Variants in DNAH2 observed in about 807,000 individuals in gnomAD.
DNAH2 encodes dynein axonemal heavy chain 2.
Under a neutral mutation model 523.5 loss-of-function variants are expected in DNAH2, and 323 were observed. The observed-to-expected ratio is 0.62, with a 90% CI of 0.56 to 0.68. The LOEUF is 0.68. Among genes scored for constraint, DNAH2 ranks in the 30% least tolerant of loss-of-function variants. The pLI, the probability that DNAH2 is intolerant of heterozygous loss-of-function variation, is 0.00. For synonymous variants in DNAH2, 2,093 were observed against 2,177.4 expected, an observed-to-expected ratio of 0.96 and a Z score of 1.08; for missense variants, 4,907 against 5,701.5, an observed-to-expected ratio of 0.86 and a Z score of 4.49.
At chr17:7,745,982 C>T (rs1050135009) in intron 12 of DNAH2, among the ~76,000 whole-genome samples, 18 of 152,096 alleles carry the variant, frequency 1.2e-4, no homozygotes, top group African/African-American at 3.6e-4. Context: ...TTGAATTTCT[C>T]TGAGCCTGAG....
intron 39 of DNAH2, among the ~76,000 whole-genome samples, chr17:7,784,966 C>T (rs951139652): frequency 6.6e-6 from 1 of 151,810 alleles, no homozygotes; most frequent in African/African-American, 2.4e-5. Flanking sequence ...GCAAACAGAC[C>T]AAAAAATCCA....
intron 4 of DNAH2, among the ~76,000 whole-genome samples, chr17:7,729,198 G>T (rs920937971): frequency 7.9e-5 from 12 of 152,030 alleles, no homozygotes; most frequent in Non-Finnish European, 1.5e-4. Context: ...CATATGCACT[G>T]AGTCAAAGAA....
In DNAH2 at chr17:7,796,593, C is replaced by T. The variant is rs202202991; in HGVS notation, c.7804C>T (p.Arg2602Cys). 39 of 1,613,108 alleles carry T rather than the reference C, an allele frequency of 2.4e-5. No individual in the cohort carries two copies. The highest frequency in any genetic ancestry group is 2.2e-4 in the Admixed American group (13 of 59,870). ...TLDMYNTVVQ[R>C]FLPTPTKMHY... ...GGACATGTACAACACCGTGGTACAG[C>T]GCTTCCTGCCCACGCCCACCAAGAT... Residue 2602 changes from arginine to cysteine, a missense_variant, in exon 50 of 86, where the codon CGC becomes TGC. Physicochemically the swap from Arg to Cys is radical, Grantham distance 180 (BLOSUM62 -3). Coordinates refer to ENST00000572933, the MANE Select transcript of DNAH2 (RefSeq NM_020877.5).
chr17:7,803,617 C>T (rs2077282693), intron 58 of DNAH2, among the ~76,000 whole-genome samples: 1 of 151,944 alleles, frequency 6.6e-6, no homozygotes, highest in East Asian at 1.9e-4. Context: ...TTGCAGTGAG[C>T]TGAGATTGCA....
chr17:7,801,783 C>T (rs2077230797), intron 57 of DNAH2, 73 bp downstream of exon 57: 9 of 1,609,456 alleles, frequency 5.6e-6, no homozygotes, highest in African/African-American at 1.3e-5. Flanking sequence ...CTCATCGCAC[C>T]CCCGGCCTCT....
At chr17:7,793,861 A>G (rs1384205863) in intron 48 of DNAH2, among the ~76,000 whole-genome samples, 1 of 152,094 alleles carries the variant, frequency 6.6e-6, no homozygotes, top group Non-Finnish European at 1.5e-5. Flanking sequence ...TGCTATATTC[A>G]TGTGTGTTTG....
chr17:7,778,220 G>A, intron 34 of DNAH2, 40 bp downstream of exon 34: 1 of 1,613,984 alleles, frequency 6.2e-7, no homozygotes. Context: ...GGGGTGGGGG[G>A]CAGCAGAAGC....
rs2075942779 is a variant in DNAH2 at position 7,759,457 on chromosome 17, G to A, written c.2484G>A (p.Leu828=). ...QQQWMLYMIR[L]DRMMEDALRL... ...AGTGGATGCTGTACATGATTCGGCT[G>A]GACCGCATGATGGAGGATGCCCTGC... Residue 828 remains leucine (L), a synonymous_variant, in exon 16 of 86, where the codon CTG becomes CTA. Transcript: ENST00000572933. 5 of 1,613,966 alleles carry A rather than the reference G, an allele frequency of 3.1e-6. No individual in the cohort carries two copies. Among genetic ancestry groups the A allele is most frequent in the Non-Finnish European group, 3.4e-6 (4 of 1,179,936 alleles).
chr17:7,831,012 A>C lies in DNAH2; in HGVS notation c.12231-74A>C, dbSNP rs867202744. The stretch of plus-strand genomic sequence containing the variant: ...GGAGCTGGACAAATTGGACATGCAT[A>C]GGTTTGGGGTCTTGGCCTGGCATTG... On this transcript the variant is annotated intron_variant, in intron 79 of 85. Coordinates refer to ENST00000572933, the MANE Select transcript of DNAH2 (RefSeq NM_020877.5). This position sits in a 1 kb window ranked among gnomAD's most constrained non-coding sequence, Gnocchi z 4.2. 1.6e-5 allele frequency: 25 copies of C among 1,526,990 alleles called. No individual in the cohort carries two copies. Among genetic ancestry groups the C allele is most frequent in the Non-Finnish European group, 2.2e-5 (24 of 1,116,168 alleles). 94.6% of individuals were successfully genotyped at this position (1,526,990 alleles called of 1,614,324 possible). A position where few individuals can be genotyped will look rare whatever the true frequency, so the allele number is the denominator to read the frequency against.
In DNAH2 at chr17:7,762,865, C is replaced by T. The variant is rs73232337; in HGVS notation, c.2979-966C>T. On this transcript the variant is annotated intron_variant, in intron 18 of 85. Coordinates refer to ENST00000572933, the MANE Select transcript of DNAH2 (RefSeq NM_020877.5). ...AGGCTCTGTTACTGTCACTGTATTA[C>T]AGATGAGGAAACCGAGACTCAAACA... Among the ~76,000 whole-genome samples the T allele has an allele frequency of 4.5e-3, 671 of 147,638 alleles. 2 individuals are homozygous for T. The highest frequency in any genetic ancestry group is 0.016 in the African/African-American group (648 of 39,906).
chr17:7,729,571 C>G (rs1005839275), intron 4 of DNAH2, among the ~76,000 whole-genome samples: 2 of 152,140 alleles, frequency 1.3e-5, no homozygotes, highest in African/African-American at 4.8e-5. Flanking sequence ...TATGGGATTA[C>G]AGGCATGTAC....
intron 12 of DNAH2, among the ~76,000 whole-genome samples, chr17:7,746,164 G>A (rs977416613): frequency 6.6e-6 from 1 of 152,174 alleles, no homozygotes; most frequent in Non-Finnish European, 1.5e-5. Context: ...GCAGAGTGAT[G>A]TAACAGTTTT....
In DNAH2 at chr17:7,775,224, G is replaced by T; in HGVS notation, c.4720-17G>T. 1 of 1,609,002 alleles carries T rather than the reference G, an allele frequency of 6.2e-7. No individual in the cohort carries two copies. Reference sequence around the variant, plus strand: ...GGGTGGGCAGGCCAGGCTCTGAGTAGCTTCTGCTTTCTGCAGGTTGGAGGG... The same window carrying T: ...GGGTGGGCAGGCCAGGCTCTGAGTATCTTCTGCTTTCTGCAGGTTGGAGGG... On this transcript the variant is annotated splice_polypyrimidine_tract_variant and intron_variant, in intron 29 of 85. Coordinates refer to ENST00000572933, the MANE Select transcript of DNAH2 (RefSeq NM_020877.5).
chr17:7,763,520 T>A (rs534925111), intron 18 of DNAH2, among the ~76,000 whole-genome samples: 1 of 152,048 alleles, frequency 6.6e-6, no homozygotes, highest in South Asian at 2.1e-4. Context: ...ACCTCGTGAT[T>A]CACCTGCCTC....
Position 7,740,448 on chromosome 17 carries a change from G to C in DNAH2, c.1405G>C (p.Val469Leu). ...KFRAGIKDLEVMTQNLITSAF... is the reference protein window; with the variant it reads ...KFRAGIKDLELMTQNLITSAF... ...CCGTGCCGGAATCAAGGACCTGGAG[G>C]TGATGACCCAGAACCTGATCACCTC... Residue 469 changes from valine (V) to leucine (L), a missense_variant, in exon 10 of 86, where the codon GTG (valine) becomes CTG (leucine). By Grantham distance (32) the Val-to-Leu change is conservative (BLOSUM62 1). Coordinates refer to ENST00000572933, the MANE Select transcript of DNAH2 (RefSeq NM_020877.5). The C allele has an allele frequency of 6.2e-7, 1 of 1,614,210 alleles. No homozygotes were observed. The highest frequency in any genetic ancestry group is 8.5e-7 in the Non-Finnish European group (1 of 1,180,026).
Position 7,766,348 on chromosome 17 carries a change from C to A in DNAH2, c.3542C>A (p.Ser1181Tyr). The A allele has an allele frequency of 6.2e-7, 1 of 1,613,686 alleles. No individual in the cohort carries two copies. Among genetic ancestry groups the A allele is most frequent in the Non-Finnish European group, 8.5e-7 (1 of 1,179,800 alleles). ...TTCACCAGCAACGTGGGATACATGT[C>A]TGCCTTAGACCAGATTACACAAGTG... ...GHFTSNVGYM[S>Y]ALDQITQVRA... The change falls in exon 22 of 86, where the codon TCT (serine) becomes TAT (tyrosine). Residue 1181 changes from serine (S) to tyrosine (Y), a missense_variant. By Grantham distance (144) the Ser-to-Tyr change is moderately radical. Around this residue, in one of 3 missense-constraint regions of DNAH2, gnomAD observed 2,806 missense variants for 3,190.8 expected, o/e 0.88. Coordinates refer to ENST00000572933, the MANE Select transcript of DNAH2 (RefSeq NM_020877.5).
chr17:7,804,505 C>T, intron 59 of DNAH2, 39 bp downstream of exon 59: 1 of 1,603,628 alleles, frequency 6.2e-7, no homozygotes, highest in Non-Finnish European at 8.5e-7. Flanking sequence ...CCCACTCCCA[C>T]CAGTGCCGGC....
At chr17:7,833,293 G>A in intron 85 of DNAH2, 72 bp downstream of exon 85, 1 of 1,607,424 alleles carries the variant, frequency 6.2e-7, no homozygotes, top group South Asian at 1.1e-5. Flanking sequence ...CTCTGCTCCA[G>A]CCCATCCCAC....
At chr17:7,771,604 G>A (rs941668039) in intron 28 of DNAH2, 136 bp downstream of exon 28, 62 of 921,964 alleles carry the variant, frequency 6.7e-5, no homozygotes, top group Non-Finnish European at 9.1e-5. Flanking sequence ...CCTCTTCTAA[G>A]CATTAGATCA....
Sources: gnomAD v4.1 joint callset for allele counts (sites outside exome capture counted in the v4.1 genomes callset) on GRCh38, gnomAD v4.1.1 for gene constraint, gnomAD v4.1.1 regional missense constraint, Gnocchi (gnomAD v3.1) non-coding constraint, MANE v1.5 for transcripts, NCBI Gene and HGNC (gene_info 2026-07-23, HGNC 2026-07-21) for gene names.